MACROD2: variants seen among roughly 807,000 people sequenced by gnomAD.
MACROD2 encodes ADP-ribose glycohydrolase MACROD2.
Under a neutral mutation model 70.4 loss-of-function variants are expected in MACROD2, and 36 were observed. The ratio of observed to expected loss-of-function variants is 0.51; its 90% confidence interval spans 0.39 to 0.68. The LOEUF is 0.68. MACROD2 is among the 30% of genes least tolerant of loss of function. The pLI is 0.00. For synonymous variants in MACROD2, 172 were observed against 178.8 expected (o/e 0.96, Z 0.30); for missense variants, 496 against 538.4 (o/e 0.92, Z 0.78).
In MACROD2 at chr20:14,364,424, T is replaced by G. The variant is rs2083253556; in HGVS notation, c.272-129055T>G. On this transcript the variant is annotated intron_variant, in intron 3 of 17. Transcript: ENST00000684519. ...TGTGCGCTTTGTCCCCATATTTAGT[T>G]GTATAATTTAAAAATTATTGTGAAA... Among the ~76,000 whole-genome samples the G allele has an allele frequency of 2.6e-5, 4 of 152,208 alleles. No individual in the cohort carries two copies. In the South Asian group the frequency reaches 8.3e-4, roughly 32 times the overall value.
At chr20:14,923,807 C>CGGGGGGGGGGGG (rs2074194249) in intron 5 of MACROD2, among the ~76,000 whole-genome samples, 1 of 91,930 alleles carries the variant, frequency 1.1e-5, no homozygotes, top group Non-Finnish European at 2.2e-5. Flanking sequence ...GGGGGGGCGG[C>CGGGGGGGGGGGG]GGGGCGGGGA....
chr20:14,317,646 C>T (rs1404542960), intron 3 of MACROD2, among the ~76,000 whole-genome samples: 1 of 151,080 alleles, frequency 6.6e-6, no homozygotes, highest in Non-Finnish European at 1.5e-5. Flanking sequence ...ATCTGGATTC[C>T]TGTCCTCCCC....
At chr20:15,234,014 T>A (rs866344786) in intron 6 of MACROD2, among the ~76,000 whole-genome samples, 71 of 10,226 alleles carry the variant, frequency 6.9e-3, no homozygotes, top group South Asian at 0.017. Flanking sequence ...TATATATTCT[T>A]TTTTTTTTTT....
At chr20:15,357,352 T>TA (rs1159372923) in intron 6 of MACROD2, among the ~76,000 whole-genome samples, 1 of 152,194 alleles carries the variant, frequency 6.6e-6, no homozygotes, top group Non-Finnish European at 1.5e-5. Flanking sequence ...TTCAATTTTT[T>TA]AAAAATAACC....
At chr20:15,373,814 C>T (rs930857733) in intron 6 of MACROD2, among the ~76,000 whole-genome samples, 3 of 152,058 alleles carry the variant, frequency 2.0e-5, no homozygotes, top group African/African-American at 7.2e-5. Context: ...TCCTCCAATC[C>T]ACAAACATTG....
At chr20:15,629,457 A>G (rs1484551564) in intron 8 of MACROD2, among the ~76,000 whole-genome samples, 1 of 152,242 alleles carries the variant, frequency 6.6e-6, no homozygotes, top group Non-Finnish European at 1.5e-5. Flanking sequence ...CTTATCTTAT[A>G]GAAATACGTG....
chr20:14,849,825 A>T, intron 5 of MACROD2: 1 of 366,098 alleles, frequency 2.7e-6, no homozygotes, highest in Non-Finnish European at 5.4e-6. Flanking sequence ...TCTAAAGAGC[A>T]AGAGCAGACT....
chr20:14,743,178 T>C (rs2071756217), intron 5 of MACROD2, among the ~76,000 whole-genome samples: 1 of 152,170 alleles, frequency 6.6e-6, no homozygotes, highest in African/African-American at 2.4e-5. Flanking sequence ...ATGATCTGAA[T>C]TTTTACTTAG....
At chr20:15,915,236 T>A (rs2065296793) in intron 10 of MACROD2, among the ~76,000 whole-genome samples, 1 of 152,020 alleles carries the variant, frequency 6.6e-6, no homozygotes, top group South Asian at 2.1e-4. Context: ...AAGCTCTAGC[T>A]CTGTAGTCGC....
At chr20:16,044,767 T>C (rs932582576) in intron 17 of MACROD2, 128 bp downstream of exon 17, 2 of 791,304 alleles carry the variant, frequency 2.5e-6, no homozygotes, top group South Asian at 1.6e-5. Flanking sequence ...ACCTTGAAAA[T>C]CTTTAAACCA....
chr20:14,902,196 T>A (rs6034058), intron 5 of MACROD2, among the ~76,000 whole-genome samples: 133,407 of 152,146 alleles, frequency 0.88, 58,509 homozygotes, highest in East Asian at 1. Context: ...CAATTTTTTT[T>A]AAATCAAATT....
At chr20:15,050,439 A>G (rs2075430301) in intron 5 of MACROD2, among the ~76,000 whole-genome samples, 1 of 151,862 alleles carries the variant, frequency 6.6e-6, no homozygotes, top group South Asian at 2.1e-4. Context: ...AAAATACTCG[A>G]TACTCATATA....
At chr20:16,024,307 A>C (rs1465258722) in intron 15 of MACROD2, among the ~76,000 whole-genome samples, 1 of 152,216 alleles carries the variant, frequency 6.6e-6, no homozygotes, top group African/African-American at 2.4e-5. Flanking sequence ...GCTTCAATCC[A>C]GATTAATAGC....
intron 5 of MACROD2, among the ~76,000 whole-genome samples, chr20:15,085,867 ACACACAAC>A (rs1204108895): frequency 5.4e-5 from 6 of 110,478 alleles, no homozygotes; most frequent in Admixed American, 2.1e-4. Flanking sequence ...TAACACACAC[ACACACAAC>A]ACACACACAC....
At chr20:15,030,536 G>T (rs115714111) in intron 5 of MACROD2, among the ~76,000 whole-genome samples, 1 of 152,142 alleles carries the variant, frequency 6.6e-6, no homozygotes, top group African/African-American at 2.4e-5. Context: ...CACCTGCCCA[G>T]CTGCATACTA....
chr20:14,990,927 A>G lies in MACROD2; in HGVS notation c.419-239013A>G, dbSNP rs536412337. 4.5e-4 allele frequency among the ~76,000 whole-genome samples: 69 copies of G among 152,282 alleles called. 1 individual carries two copies. The highest frequency in any genetic ancestry group is 1.4e-3 in the African/African-American group (58 of 41,564). On this transcript the variant is annotated intron_variant, in intron 5 of 17. Coordinates refer to ENST00000684519, the MANE Select transcript of MACROD2 (RefSeq NM_001351661.2). ...AAAGTTATTGATAAGAAAAGTTATG[A>G]TATATTACTCACATGCATTATTTTT... is the stretch of plus-strand genomic sequence containing the variant.
intron 5 of MACROD2, among the ~76,000 whole-genome samples, chr20:15,218,653 T>C (rs1263795386): frequency 2.6e-5 from 4 of 152,198 alleles, no homozygotes; most frequent in African/African-American, 9.6e-5. Flanking sequence ...GCAAACTCTT[T>C]AAGAAGTGCT....
chr20:14,529,155 G>C (rs1251696770), intron 4 of MACROD2, among the ~76,000 whole-genome samples: 1 of 152,146 alleles, frequency 6.6e-6, no homozygotes, highest in Non-Finnish European at 1.5e-5. Context: ...GTCTGTATGA[G>C]AGCATTTTGC....
chr20:15,042,986 A>G (rs1390769288), intron 5 of MACROD2, among the ~76,000 whole-genome samples: 1 of 152,152 alleles, frequency 6.6e-6, no homozygotes, highest in Admixed American at 6.5e-5. Context: ...GGGTTGTATC[A>G]ACATTCCTGG....
Sources: gnomAD v4.1 joint callset for allele counts (sites outside exome capture counted in the v4.1 genomes callset) on GRCh38, gnomAD v4.1.1 for gene constraint, MANE v1.5 for transcripts, NCBI Gene and HGNC (gene_info 2026-07-23, HGNC 2026-07-21) for gene names.